CEP85L: variants seen among roughly 807,000 people sequenced by gnomAD.
The protein encoded by CEP85L is centrosomal protein 85L.
CEP85L carries 60 observed loss-of-function variants against 100.3 expected under a neutral mutation model. That is an observed-to-expected ratio of 0.60 (90% CI 0.49 to 0.74). The LOEUF is 0.74. Ranked by LOEUF, CEP85L falls within the 30% of genes least tolerant of loss-of-function variation. The pLI is 0.00. For synonymous variants in CEP85L, 319 were observed against 322.7 expected, an observed-to-expected ratio of 0.99 and a Z score of 0.12; for missense variants, 973 against 936.2, an observed-to-expected ratio of 1.04 and a Z score of -0.51.
intron 3 of CEP85L, among the ~76,000 whole-genome samples, chr6:118,526,656 A>T (rs1398910596): frequency 6.6e-6 from 1 of 152,214 alleles, no homozygotes; most frequent in Non-Finnish European, 1.5e-5. Context: ...GATGGGGTAA[A>T]AAAGCTGGCC....
chr6:118,596,344 T>A (rs1781457092), intron 2 of CEP85L, among the ~76,000 whole-genome samples: 1 of 152,186 alleles, frequency 6.6e-6, no homozygotes, highest in African/African-American at 2.4e-5. Flanking sequence ...TCTTCCACAG[T>A]GGTTATTTTC....
At chr6:118,583,941 G>A (rs1371734054) in intron 2 of CEP85L, among the ~76,000 whole-genome samples, 1 of 152,188 alleles carries the variant, frequency 6.6e-6, no homozygotes, top group Non-Finnish European at 1.5e-5. Flanking sequence ...AGATTTAAAG[G>A]ATGCCTTTTT....
rs376982408 is a variant in CEP85L at position 118,565,147 on chromosome 6, T to A, written c.1020+382A>T. 2.4e-3 allele frequency: 434 copies of A among 183,564 alleles called. 14 individuals are homozygous for A. In the South Asian group the frequency reaches 0.053, roughly 22 times the overall value. 11.4% of individuals were successfully genotyped at this position (183,564 alleles called of 1,614,324 possible). On this transcript the variant is annotated intron_variant, in intron 3 of 12. Coordinates refer to ENST00000368491, the MANE Select transcript of CEP85L (RefSeq NM_001042475.3). ...GTGAAAAAGTCATCCACGTTCTAAA[T>A]CTAACAGAACCAGACACAAAATCTA...
At chr6:118,573,873 A>G (rs1780058704) in intron 2 of CEP85L, 1 of 152,222 alleles carries the variant, frequency 6.6e-6, no homozygotes, top group Admixed American at 6.5e-5. Flanking sequence ...AACAGCTAAA[A>G]CTATAAAACT....
intron 1 of CEP85L, among the ~76,000 whole-genome samples, chr6:118,682,881 A>G (rs1290348101): frequency 6.6e-6 from 1 of 152,052 alleles, no homozygotes; most frequent in East Asian, 1.9e-4. Context: ...CAGCCCCAAT[A>G]TGGAAATGTG....
At chr6:118,684,688 G>A (rs923053340) in intron 1 of CEP85L, among the ~76,000 whole-genome samples, 3 of 152,146 alleles carry the variant, frequency 2.0e-5, no homozygotes, top group African/African-American at 4.8e-5. Flanking sequence ...GCAGTCTGTC[G>A]TGGCATGTGG....
At chr6:118,496,695 T>C (rs140473452) in intron 5 of CEP85L, among the ~76,000 whole-genome samples, 223 of 152,332 alleles carry the variant, frequency 1.5e-3, no homozygotes, top group African/African-American at 5.2e-3. Context: ...GCCAGAGTTT[T>C]TGAGTTACAA....
intron 2 of CEP85L, among the ~76,000 whole-genome samples, chr6:118,581,080 T>G (rs987533394): frequency 2.6e-4 from 39 of 152,298 alleles, no homozygotes; most frequent in African/African-American, 9.1e-4. Context: ...AGCTTCCTTT[T>G]GCACTGCTAG....
chr6:118,581,914 C>T (rs1336067273), intron 2 of CEP85L, among the ~76,000 whole-genome samples: 1 of 152,050 alleles, frequency 6.6e-6, no homozygotes, highest in Non-Finnish European at 1.5e-5. Context: ...TTAATATTAT[C>T]CAACAGTTAG....
At chr6:118,502,724 T>C (rs1775386642) in intron 5 of CEP85L, 4 of 499,972 alleles carry the variant, frequency 8.0e-6, no homozygotes, top group South Asian at 4.3e-5. Context: ...GGATCCCTCA[T>C]ACAAAGAAAT....
intron 2 of CEP85L, among the ~76,000 whole-genome samples, chr6:118,569,284 G>A (rs1215677114): frequency 7.6e-6 from 1 of 131,994 alleles, no homozygotes; most frequent in Admixed American, 9.1e-5. Context: ...GGAGGCTGCA[G>A]TAAGCAGAGA....
At chr6:118,557,728 T>G (rs758352430) in intron 3 of CEP85L, among the ~76,000 whole-genome samples, 1 of 152,164 alleles carries the variant, frequency 6.6e-6, no homozygotes, top group African/African-American at 2.4e-5. Flanking sequence ...TGAATACAAA[T>G]TATTATCGAA....
intron 2 of CEP85L, among the ~76,000 whole-genome samples, chr6:118,599,707 T>C (rs559510353): frequency 1.6e-4 from 24 of 150,970 alleles, no homozygotes; most frequent in African/African-American, 5.3e-4. Flanking sequence ...TCACTAATGA[T>C]GTCGAATTAT....
At chr6:118,535,118 C>T (rs778179770) in intron 3 of CEP85L, among the ~76,000 whole-genome samples, 1 of 152,020 alleles carries the variant, frequency 6.6e-6, no homozygotes, top group Non-Finnish European at 1.5e-5. Context: ...CATAATCATC[C>T]GAAACTAAAA....
intron 2 of CEP85L, among the ~76,000 whole-genome samples, chr6:118,602,847 G>C (rs1781853030): frequency 6.7e-6 from 1 of 150,106 alleles, no homozygotes; most frequent in Admixed American, 6.6e-5. Context: ...TGGAGATATA[G>C]TCTCGCACGG....
At chr6:118,684,144 C>T (rs1164764295) in intron 1 of CEP85L, among the ~76,000 whole-genome samples, 7 of 152,236 alleles carry the variant, frequency 4.6e-5, no homozygotes, top group East Asian at 1.9e-4. Context: ...TAAAAAATAG[C>T]GATTAAAAAT....
At chr6:118,668,885 A>G (rs1202274773) in intron 1 of CEP85L, among the ~76,000 whole-genome samples, 1 of 152,140 alleles carries the variant, frequency 6.6e-6, no homozygotes, top group Admixed American at 6.6e-5. Flanking sequence ...TGGTCAGATC[A>G]TTTATTCTCA....
rs149360282 is a variant in CEP85L, at chr6:118,676,389, A to G, written c.-27-23581T>C. Among the ~76,000 whole-genome samples, 315 of 152,100 alleles carry G rather than the reference A, an allele frequency of 2.1e-3. 2 individuals carry two copies. Among genetic ancestry groups the G allele is most frequent in the African/African-American group, 7.4e-3 (307 of 41,480 alleles). ...AAGCACCGTTCCACTTTCTGCTTCC[A>G]TTAGTTTAACTTTTTTTAGATTCCA... On this transcript the variant is annotated intron_variant, in intron 1 of 13. Coordinates refer to the CEP85L transcript ENST00000368488.
intron 1 of CEP85L, among the ~76,000 whole-genome samples, chr6:118,671,767 G>A (rs1348847116): frequency 3.9e-5 from 6 of 151,964 alleles, no homozygotes; most frequent in African/African-American, 9.7e-5. Flanking sequence ...GTGAAACCCC[G>A]TCTCTACTAA....
Sources: gnomAD v4.1 joint callset for allele counts (sites outside exome capture counted in the v4.1 genomes callset) on GRCh38, gnomAD v4.1.1 for gene constraint, MANE v1.5 for transcripts, NCBI Gene and HGNC (gene_info 2026-07-23, HGNC 2026-07-21) for gene names.